IL34: variants seen among roughly 807,000 people sequenced by gnomAD.
IL34 encodes the protein interleukin 34.
A neutral mutation model predicts 25.3 loss-of-function variants in IL34; 17 were observed. The observed-to-expected ratio is 0.67, with a 90% confidence interval of 0.46 to 1.01. The LOEUF (loss-of-function observed/expected upper bound fraction) is 1.01, where lower values mean the gene tolerates loss of function less well. Ranked by LOEUF, IL34 falls within the 50% of genes least tolerant of loss-of-function variation. The pLI, the probability that IL34 is intolerant of heterozygous loss-of-function variation, is 0.00. For synonymous variants in IL34, 174 were observed against 140.9 expected, an observed-to-expected ratio of 1.23 and a Z score of -1.66; for missense variants, 368 against 312.9, an observed-to-expected ratio of 1.18 and a Z score of -1.33.
chr16:70,636,463 A>G (rs1233873479), intron 1 of IL34, among the ~76,000 whole-genome samples: 1 of 152,158 alleles, frequency 6.6e-6, no homozygotes, highest in African/African-American at 2.4e-5. Context: ...TGCTTGACAT[A>G]GATAGTAACT....
upstream of IL34, among the ~76,000 whole-genome samples, chr16:70,642,281 C>T (rs945366529): frequency 3.4e-5 from 5 of 147,018 alleles, no homozygotes; most frequent in African/African-American, 7.4e-5. Flanking sequence ...AGAGAGTGAG[C>T]GTACTCTGAT....
chr16:70,621,617 G>T (rs902613221), intron 1 of IL34, among the ~76,000 whole-genome samples: 1 of 152,078 alleles, frequency 6.6e-6, no homozygotes, highest in Non-Finnish European at 1.5e-5. Context: ...AATTTCATGC[G>T]CGTCCGTGTG....
At chr16:70,652,713 T>C (rs1168507751) in intron 1 of IL34, among the ~76,000 whole-genome samples, 1 of 88,710 alleles carries the variant, frequency 1.1e-5, no homozygotes, top group Non-Finnish European at 1.9e-5. Context: ...TGGTTATATC[T>C]TTTTTGCTTT....
intron 1 of IL34, among the ~76,000 whole-genome samples, chr16:70,620,159 G>T (rs2051249816): frequency 6.6e-6 from 1 of 152,160 alleles, no homozygotes; most frequent in Non-Finnish European, 1.5e-5. Flanking sequence ...GGAGCACATT[G>T]GGTAATAAAA....
At chr16:70,659,839 C>T (rs1254470526) in intron 5 of IL34, 86 bp downstream of exon 5, 26 of 1,520,750 alleles carry the variant, frequency 1.7e-5, no homozygotes, top group Non-Finnish European at 2.2e-5. Flanking sequence ...CTGGCGTCCT[C>T]CCGGGCATAT....
chr16:70,645,349 C>T (rs781038029), upstream of IL34, among the ~76,000 whole-genome samples: 1 of 152,138 alleles, frequency 6.6e-6, no homozygotes, highest in Non-Finnish European at 1.5e-5. Context: ...TTGGTGACAC[C>T]ATGGATCACA....
intron 1 of IL34, among the ~76,000 whole-genome samples, chr16:70,630,224 A>G (rs1446196478): frequency 6.6e-6 from 1 of 151,830 alleles, no homozygotes; most frequent in Admixed American, 6.6e-5. Flanking sequence ...TATGTTCTAC[A>G]TTTTCTTTCC....
intron 1 of IL34, among the ~76,000 whole-genome samples, chr16:70,606,212 C>T (rs2051001836): frequency 6.6e-6 from 1 of 151,794 alleles, no homozygotes; most frequent in Middle Eastern, 3.2e-3. Context: ...GCCTGGGCAA[C>T]ATGGCGAAAC....
chr16:70,613,478 T>G (rs1337332788), intron 1 of IL34, among the ~76,000 whole-genome samples: 1 of 152,188 alleles, frequency 6.6e-6, no homozygotes, highest in East Asian at 1.9e-4. Flanking sequence ...AGGCGCAGTT[T>G]CCTCATCTGT....
chr16:70,624,617 A>G (rs1444990717), intron 1 of IL34, among the ~76,000 whole-genome samples: 1 of 152,256 alleles, frequency 6.6e-6, no homozygotes. Context: ...CCTAAACGCT[A>G]TCTGATTTGG....
upstream of IL34, among the ~76,000 whole-genome samples, chr16:70,646,145 C>T (rs986186329): frequency 5.3e-5 from 8 of 151,972 alleles, no homozygotes; most frequent in Non-Finnish European, 8.8e-5. Flanking sequence ...CCTGGGCTCA[C>T]GCAATCCTCC....
chr16:70,605,483 A>G (rs1319359928), intron 1 of IL34, among the ~76,000 whole-genome samples: 6 of 152,004 alleles, frequency 3.9e-5, no homozygotes, highest in Non-Finnish European at 4.4e-5. Context: ...CATCATCCCA[A>G]ATGAAACTCT....
At chr16:70,582,826 A>G (rs1178887379) in intron 1 of IL34, among the ~76,000 whole-genome samples, 1 of 152,228 alleles carries the variant, frequency 6.6e-6, no homozygotes, top group Non-Finnish European at 1.5e-5. Flanking sequence ...CTGCAGAAGC[A>G]GGAGAGACAA....
At chr16:70,640,345 C>G (rs555416094) in intron 1 of IL34, among the ~76,000 whole-genome samples, 1 of 152,198 alleles carries the variant, frequency 6.6e-6, no homozygotes, top group African/African-American at 2.4e-5. Context: ...CAGCCTCTTG[C>G]TATATTACCT....
chr16:70,599,098 G>A (rs1223857504), intron 1 of IL34, among the ~76,000 whole-genome samples: 1 of 152,202 alleles, frequency 6.6e-6, no homozygotes, highest in Non-Finnish European at 1.5e-5. Context: ...GGCAAGAGAT[G>A]GTGGGGGTCA....
chr16:70,653,365 C>T (rs1261962490), intron 1 of IL34, among the ~76,000 whole-genome samples: 1 of 139,382 alleles, frequency 7.2e-6, no homozygotes, highest in South Asian at 2.2e-4. Flanking sequence ...AAAAAAAAAG[C>T]CCCAACAACC....
intron 1 of IL34, among the ~76,000 whole-genome samples, chr16:70,621,730 G>GT: frequency 6.6e-6 from 1 of 152,230 alleles, no homozygotes; most frequent in East Asian, 1.9e-4. Context: ...GGAGATAAGG[G>GT]TGGGGCCGTT....
chr16:70,587,666 A>C (rs2050710458), intron 1 of IL34, among the ~76,000 whole-genome samples: 1 of 152,046 alleles, frequency 6.6e-6, no homozygotes, highest in Non-Finnish European at 1.5e-5. Flanking sequence ...CCTAAGCTTA[A>C]AATGGGGAAA....
chr16:70,585,474 C>CTT (rs2050682097), intron 1 of IL34, among the ~76,000 whole-genome samples: 1 of 151,774 alleles, frequency 6.6e-6, no homozygotes, highest in Non-Finnish European at 1.5e-5. Flanking sequence ...AGATGGATTA[C>CTT]GAGGAGATTG....
Sources: gnomAD v4.1 joint callset for allele counts (sites outside exome capture counted in the v4.1 genomes callset) on GRCh38, gnomAD v4.1.1 for gene constraint, MANE v1.5 for transcripts, NCBI Gene and HGNC (gene_info 2026-07-23, HGNC 2026-07-21) for gene names.